PDE10A: variants seen among roughly 807,000 people sequenced by gnomAD.
PDE10A encodes the protein cAMP and cAMP-inhibited cGMP 3',5'-cyclic phosphodiesterase 10A.
Under a neutral mutation model 97.7 loss-of-function variants are expected in PDE10A, and 39 were observed. The ratio of observed to expected loss-of-function variants is 0.40; its 90% confidence interval spans 0.31 to 0.52. PDE10A has a LOEUF of 0.52. Among genes scored for constraint, PDE10A ranks in the 20% least tolerant of loss-of-function variants. The pLI is 0.56. For missense variants in PDE10A, 731 were observed against 1,047.8 expected, an observed-to-expected ratio of 0.70 and a Z score of 4.17; for synonymous variants, 371 against 376.8, an observed-to-expected ratio of 0.98 and a Z score of 0.18.
intron 2 of PDE10A, among the ~76,000 whole-genome samples, chr6:165,497,773 A>T (rs1780624180): frequency 6.6e-6 from 1 of 152,170 alleles, no homozygotes; most frequent in African/African-American, 2.4e-5. Context: ...AAGACATGGA[A>T]TTTTTTGTTA....
intron 1 of PDE10A, among the ~76,000 whole-genome samples, chr6:165,871,081 C>T (rs1781192994): frequency 6.6e-6 from 1 of 152,068 alleles, no homozygotes. Flanking sequence ...TTCAAACTAG[C>T]TAGAAGAGAA....
intron 1 of PDE10A, among the ~76,000 whole-genome samples, chr6:165,607,274 T>C (rs1279080018): frequency 6.6e-6 from 1 of 152,206 alleles, no homozygotes; most frequent in Non-Finnish European, 1.5e-5. Context: ...CACAGCGTAA[T>C]GATGTTTTGG....
intron 1 of PDE10A, among the ~76,000 whole-genome samples, chr6:165,687,809 G>C (rs1791162267): frequency 6.6e-6 from 1 of 152,168 alleles, no homozygotes; most frequent in Non-Finnish European, 1.5e-5. Context: ...CTCTTTGCCA[G>C]ACATTATTTT....
intron 1 of PDE10A, among the ~76,000 whole-genome samples, chr6:165,841,810 C>T (rs1423169626): frequency 6.6e-6 from 1 of 152,216 alleles, no homozygotes. Flanking sequence ...AAAGACTGCT[C>T]TCTAGCTTCT....
intron 1 of PDE10A, among the ~76,000 whole-genome samples, chr6:165,604,277 G>A (rs73022196): frequency 1.2e-4 from 18 of 152,172 alleles, no homozygotes; most frequent in Non-Finnish European, 2.4e-4. Context: ...ATAATACGGC[G>A]CCTGGCAAAC....
In PDE10A at chr6:165,560,225, G is replaced by T. The variant is rs547913380; in HGVS notation, c.866-16657C>A. Among the ~76,000 whole-genome samples the T allele has an allele frequency of 5.9e-5, 9 of 152,290 alleles. No individual in the cohort carries two copies. The South Asian group carries it at 1.9e-3, about 32-fold the overall frequency. On this transcript the variant is annotated intron_variant, in intron 1 of 21. Transcript: ENST00000539869. ...AGTTCATGATTCAAAGCACAAGAAA[G>T]ATTTGAAGACTCATTGCTGGCTTGA...
intron 1 of PDE10A, chr6:165,774,973 G>A (rs758467507): frequency 6.6e-6 from 1 of 151,790 alleles, no homozygotes; most frequent in Non-Finnish European, 1.5e-5. Context: ...CAAGCAACTT[G>A]ACACGGGGCA....
intron 1 of PDE10A, among the ~76,000 whole-genome samples, chr6:165,816,166 C>G (rs1874193): frequency 0.053 from 8,064 of 152,106 alleles, 515 homozygotes; most frequent in Admixed American, 0.14. Flanking sequence ...AGCCAGGATG[C>G]TCTCAATCTC....
intron 1 of PDE10A, chr6:165,781,401 G>GA (rs1263087005): frequency 2.0e-5 from 3 of 152,236 alleles, no homozygotes; most frequent in African/African-American, 4.8e-5. Context: ...GATGTAGAGA[G>GA]AAAAAATCAT....
intron 1 of PDE10A, among the ~76,000 whole-genome samples, chr6:165,881,588 A>G (rs1486531623): frequency 9.3e-6 from 1 of 108,006 alleles, no homozygotes; most frequent in Non-Finnish European, 1.9e-5. Flanking sequence ...TTGTATTTTT[A>G]GAGGTGGGGT....
intron 16 of PDE10A, among the ~76,000 whole-genome samples, chr6:165,390,323 G>A (rs933190268): frequency 6.6e-6 from 1 of 152,144 alleles, no homozygotes; most frequent in Admixed American, 6.6e-5. Context: ...GCATTTTCTG[G>A]GGTGTTAAGG....
At chr6:165,913,470 A>G (rs935487197) in intron 1 of PDE10A, among the ~76,000 whole-genome samples, 2 of 152,230 alleles carry the variant, frequency 1.3e-5, no homozygotes, top group African/African-American at 4.8e-5. Context: ...TACAATATCT[A>G]ACACAATGTA....
chr6:165,546,774 T>C (rs745327998), intron 1 of PDE10A, among the ~76,000 whole-genome samples: 4 of 152,106 alleles, frequency 2.6e-5, no homozygotes, highest in Non-Finnish European at 2.9e-5. Context: ...GAATGATCCA[T>C]GTGGTAATGA....
chr6:165,518,709 G>A (rs551878092), intron 2 of PDE10A, among the ~76,000 whole-genome samples: 1 of 152,308 alleles, frequency 6.6e-6, no homozygotes, highest in South Asian at 2.1e-4. Flanking sequence ...TGCTGAGGTT[G>A]CTAAGATCAG....
At chr6:165,727,469 C>G (rs79265356) in intron 1 of PDE10A, among the ~76,000 whole-genome samples, 5 of 152,300 alleles carry the variant, frequency 3.3e-5, no homozygotes, top group African/African-American at 1.2e-4. Context: ...TGTTCCTCCT[C>G]CTTCCTCTCT....
At chr6:165,745,905 C>T (rs543663544) in intron 1 of PDE10A, among the ~76,000 whole-genome samples, 8 of 152,314 alleles carry the variant, frequency 5.3e-5, no homozygotes, top group African/African-American at 1.7e-4. Flanking sequence ...CAGGAATACA[C>T]GATTGGGGTG....
intron 2 of PDE10A, among the ~76,000 whole-genome samples, chr6:165,484,015 T>G (rs990545177): frequency 9.2e-5 from 14 of 152,250 alleles, no homozygotes; most frequent in Non-Finnish European, 1.8e-4. Context: ...CTTTTCCCCT[T>G]AGGAGCTGAT....
intron 2 of PDE10A, among the ~76,000 whole-genome samples, chr6:165,509,460 T>C (rs1781389105): frequency 6.6e-6 from 1 of 152,018 alleles, no homozygotes; most frequent in Non-Finnish European, 1.5e-5. Context: ...TTTATAGCAA[T>C]ACCATGCTGT....
chr6:165,542,456 GAAC>G (rs60195254), intron 2 of PDE10A, among the ~76,000 whole-genome samples: 15,125 of 151,826 alleles, frequency 0.1, 1,131 homozygotes, highest in African/African-American at 0.21. Flanking sequence ...GAGACTAAGA[GAAC>G]AACATGCAAA....
Sources: gnomAD v4.1 joint callset for allele counts (sites outside exome capture counted in the v4.1 genomes callset) on GRCh38, gnomAD v4.1.1 for gene constraint, MANE v1.5 for transcripts, NCBI Gene and HGNC (gene_info 2026-07-23, HGNC 2026-07-21) for gene names.